The following STXBP5L variants were observed in gnomAD, a reference collection of about 807,000 sequenced individuals.
STXBP5L encodes the protein syntaxin-binding protein 5-like.
Under a neutral mutation model 144.5 loss-of-function variants are expected in STXBP5L, and 65 were observed. That is an observed-to-expected ratio of 0.45 (90% confidence interval 0.37 to 0.55). The LOEUF (loss-of-function observed/expected upper bound fraction) is 0.55. Among genes scored for constraint, STXBP5L ranks in the 20% least tolerant of loss-of-function variants. The pLI is 0.00. For synonymous variants in STXBP5L, 505 were observed against 469.6 expected (o/e 1.08, Z -0.97); for missense variants, 1,298 against 1,405.5 (o/e 0.92, Z 1.22).
chr3:121,074,932 T>G (rs2041960049), intron 5 of STXBP5L, among the ~76,000 whole-genome samples: 1 of 152,210 alleles, frequency 6.6e-6, no homozygotes, highest in East Asian at 1.9e-4. Context: ...GTAGCTCCAA[T>G]TATATTGACA....
chr3:120,941,253 G>A (rs183304807), intron 2 of STXBP5L, among the ~76,000 whole-genome samples: 23 of 151,630 alleles, frequency 1.5e-4, no homozygotes, highest in African/African-American at 4.1e-4. Flanking sequence ...TAATTAATAC[G>A]GTAGGGAAGA....
chr3:121,357,566 T>C (rs993787744), intron 20 of STXBP5L: 4 of 152,328 alleles, frequency 2.6e-5, no homozygotes, highest in Admixed American at 6.5e-5. Flanking sequence ...GTTCAATTTG[T>C]CTATGGGAGC....
intron 20 of STXBP5L, among the ~76,000 whole-genome samples, chr3:121,347,120 A>G (rs1055182221): frequency 3.3e-5 from 5 of 152,096 alleles, no homozygotes; most frequent in Non-Finnish European, 7.4e-5. Flanking sequence ...ATCTTGAATT[A>G]ATGTTTGTAT....
At chr3:120,981,423 TAAA>T (rs1189271716) in intron 3 of STXBP5L, among the ~76,000 whole-genome samples, 2 of 152,296 alleles carry the variant, frequency 1.3e-5, no homozygotes, top group African/African-American at 4.8e-5. Context: ...CTGGGTTAAT[TAAA>T]AAGCTCTGTT....
At chr3:121,145,075 T>A (rs2045663231) in intron 7 of STXBP5L, among the ~76,000 whole-genome samples, 1 of 151,880 alleles carries the variant, frequency 6.6e-6, no homozygotes. Flanking sequence ...TGTATAAACT[T>A]TAGAAATCTG....
In STXBP5L at chr3:121,113,666, C is replaced by CTT. The variant is rs1273804231; in HGVS notation, c.471-1255_471-1254dup. Among the ~76,000 whole-genome samples the CTT allele has an allele frequency of 9.9e-4, 132 of 132,826 alleles. 1 individual carries two copies. Among genetic ancestry groups the CTT allele is most frequent in the Admixed American group, 2.3e-3 (28 of 12,320 alleles). 87.1% of individuals were successfully genotyped at this position (132,826 alleles called of 152,430 possible). ...TGGATGTTCACTTTTATTCTTTTTT[C>CTT]TTTTTCTTTTTTTTTTTTTTTTTTG... is the stretch of plus-strand genomic sequence containing the variant. On this transcript the variant is annotated intron_variant, in intron 5 of 26. Transcript: ENST00000471454.
At chr3:121,077,522 A>G (rs1311034819) in intron 5 of STXBP5L, among the ~76,000 whole-genome samples, 2 of 152,162 alleles carry the variant, frequency 1.3e-5, no homozygotes, top group Non-Finnish European at 2.9e-5. Context: ...AAGAGTGAGC[A>G]GCAGCAAGAT....
chr3:121,018,425 C>G (rs1201853836), intron 3 of STXBP5L, among the ~76,000 whole-genome samples: 2 of 146,334 alleles, frequency 1.4e-5, no homozygotes, highest in Non-Finnish European at 3.0e-5. Flanking sequence ...TGTATAAATA[C>G]AATCAACTAA....
chr3:121,328,896 A>C (rs998867938), intron 20 of STXBP5L, among the ~76,000 whole-genome samples: 1 of 152,170 alleles, frequency 6.6e-6, no homozygotes, highest in Non-Finnish European at 1.5e-5. Context: ...TGTTCCTTGT[A>C]ACTACCACCT....
At chr3:121,064,585 G>T (rs916684374) in intron 5 of STXBP5L, among the ~76,000 whole-genome samples, 4 of 152,224 alleles carry the variant, frequency 2.6e-5, no homozygotes, top group African/African-American at 9.6e-5. Context: ...CATTGACAGT[G>T]ACAGTGGTGA....
chr3:121,347,085 G>C (rs181919910), intron 20 of STXBP5L, among the ~76,000 whole-genome samples: 1 of 152,092 alleles, frequency 6.6e-6, no homozygotes, highest in East Asian at 1.9e-4. Flanking sequence ...TATGGTTTTA[G>C]GTCTAACATT....
chr3:121,170,355 C>G (rs1414950864), intron 9 of STXBP5L, among the ~76,000 whole-genome samples: 1 of 151,882 alleles, frequency 6.6e-6, no homozygotes, highest in South Asian at 2.1e-4. Context: ...CAGAGCAGAA[C>G]TGAAGGAGAC....
intron 20 of STXBP5L, among the ~76,000 whole-genome samples, chr3:121,349,714 G>T (rs1377437058): frequency 6.6e-6 from 1 of 151,978 alleles, no homozygotes; most frequent in Non-Finnish European, 1.5e-5. Flanking sequence ...TTATGTAATG[G>T]TCTTCTTTGT....
chr3:121,291,015 C>G (rs2051419469), intron 19 of STXBP5L, among the ~76,000 whole-genome samples: 1 of 152,116 alleles, frequency 6.6e-6, no homozygotes, highest in African/African-American at 2.4e-5. Context: ...ACTTTCACCA[C>G]TTCTAGTCAA....
At chr3:121,019,160 G>A (rs680233) in intron 3 of STXBP5L, among the ~76,000 whole-genome samples, 35,361 of 151,914 alleles carry the variant, frequency 0.23, 4,241 homozygotes, top group Non-Finnish European at 0.26. Context: ...TAATCCCCCC[G>A]GAATGTATCT....
intron 20 of STXBP5L, among the ~76,000 whole-genome samples, chr3:121,351,995 G>C (rs750791336): frequency 1.3e-5 from 2 of 152,058 alleles, no homozygotes; most frequent in African/African-American, 2.4e-5. Flanking sequence ...GATGATTGTA[G>C]ATGTGTAGTG....
At chr3:121,372,018 G>A (rs189538059) in intron 20 of STXBP5L, among the ~76,000 whole-genome samples, 1 of 152,336 alleles carries the variant, frequency 6.6e-6, no homozygotes, top group East Asian at 1.9e-4. Context: ...TGCTGGCAAA[G>A]CAATGTGGAG....
intron 9 of STXBP5L, among the ~76,000 whole-genome samples, chr3:121,199,985 A>T (rs1297389627): frequency 1.3e-5 from 2 of 152,038 alleles, no homozygotes; most frequent in Non-Finnish European, 2.9e-5. Context: ...TATCAGGATG[A>T]TGCTGGCCTC....
chr3:121,129,731 C>T (rs2044884166), intron 7 of STXBP5L, among the ~76,000 whole-genome samples: 1 of 151,982 alleles, frequency 6.6e-6, no homozygotes, highest in Non-Finnish European at 1.5e-5. Flanking sequence ...ATTGTCTGGA[C>T]ATTCTTTGGA....
Sources: allele counts gnomAD v4.1 joint callset (sites outside exome capture counted in the v4.1 genomes callset), GRCh38; gene constraint gnomAD v4.1.1; transcripts MANE v1.5; gene names NCBI Gene and HGNC (gene_info 2026-07-23, HGNC 2026-07-21).